MTA3: variants seen among roughly 807,000 people sequenced by gnomAD.
MTA3 encodes metastasis-associated protein MTA3.
A neutral mutation model predicts 83.5 loss-of-function variants in MTA3; 34 were observed. That is an observed-to-expected ratio of 0.41 (90% CI 0.31 to 0.54). The LOEUF is 0.54. Among genes scored for constraint, MTA3 ranks in the 20% least tolerant of loss-of-function variants. The pLI is 0.33. For missense variants in MTA3, 761 were observed against 726.4 expected (o/e 1.05, Z -0.55); for synonymous variants, 303 against 252.7 (o/e 1.20, Z -1.89).
intron 2 of MTA3, among the ~76,000 whole-genome samples, chr2:42,562,633 TCTC>T (rs1265610756): frequency 6.6e-6 from 1 of 152,090 alleles, no homozygotes; most frequent in Non-Finnish European, 1.5e-5. Flanking sequence ...TGGACTCTGA[TCTC>T]CTGAACCTGA....
intron 8 of MTA3, among the ~76,000 whole-genome samples, chr2:42,669,720 T>C (rs1690625552): frequency 1.3e-5 from 2 of 152,176 alleles, no homozygotes; most frequent in African/African-American, 4.8e-5. Context: ...TGTTTGTGTG[T>C]TTTATGGTCT....
At chr2:42,552,561 G>A (rs62144833) in intron 2 of MTA3, among the ~76,000 whole-genome samples, 14,559 of 150,126 alleles carry the variant, frequency 0.097, 865 homozygotes, top group Non-Finnish European at 0.13. Flanking sequence ...GTTTGAGGCT[G>A]CAATAAACGC....
intron 16 of MTA3, among the ~76,000 whole-genome samples, chr2:42,746,676 T>G (rs952023860): frequency 6.6e-6 from 1 of 152,102 alleles, no homozygotes; most frequent in Non-Finnish European, 1.5e-5. Flanking sequence ...TATGCTAGAG[T>G]AGATCCTAGA....
At chr2:42,571,132 C>G (rs1188975909) in intron 2 of MTA3, among the ~76,000 whole-genome samples, 1 of 151,972 alleles carries the variant, frequency 6.6e-6, no homozygotes, top group Non-Finnish European at 1.5e-5. Context: ...GCGGCTCACC[C>G]CTGTAATCCC....
At chr2:42,571,343 C>T (rs545291020) in intron 2 of MTA3, among the ~76,000 whole-genome samples, 67 of 137,658 alleles carry the variant, frequency 4.9e-4, no homozygotes, top group Non-Finnish European at 7.8e-4. Flanking sequence ...GCTGAGATCA[C>T]GCCATTGCAC....
chr2:42,497,572 G>A (rs1429228899), intron 2 of MTA3, among the ~76,000 whole-genome samples: 9 of 150,014 alleles, frequency 6.0e-5, no homozygotes, highest in Non-Finnish European at 8.9e-5. Context: ...GTGATGGAGC[G>A]AGACTCCATC....
chr2:42,722,156 T>C (rs973438564), intron 15 of MTA3, among the ~76,000 whole-genome samples: 3 of 152,196 alleles, frequency 2.0e-5, no homozygotes, highest in Non-Finnish European at 2.9e-5. Flanking sequence ...CCAGCTTTAG[T>C]AGTAAACTGA....
chr2:42,617,776 C>A (rs887469089), intron 4 of MTA3, among the ~76,000 whole-genome samples: 4 of 129,038 alleles, frequency 3.1e-5, no homozygotes, highest in African/African-American at 5.7e-5. Flanking sequence ...AACTCTGCCT[C>A]TAAAAAATAA....
intron 6 of MTA3, among the ~76,000 whole-genome samples, chr2:42,648,673 C>G (rs1007940588): frequency 6.6e-6 from 1 of 152,078 alleles, no homozygotes; most frequent in Non-Finnish European, 1.5e-5. Flanking sequence ...GTAAAGGCGT[C>G]TTTTAGATTT....
At chr2:42,664,740 G>A (rs1690070545) in intron 8 of MTA3, among the ~76,000 whole-genome samples, 1 of 152,038 alleles carries the variant, frequency 6.6e-6, no homozygotes, top group Non-Finnish European at 1.5e-5. Context: ...TGCAGAGAGG[G>A]CAGGGTTGTG....
intron 2 of MTA3, chr2:42,532,856 C>G (rs987602384): frequency 8.0e-6 from 3 of 374,776 alleles, no homozygotes; most frequent in Non-Finnish European, 1.6e-5. Context: ...CTGGCTGGCA[C>G]TTCAGTTGAA....
At chr2:42,653,415 TG>T (rs1317314551) in intron 6 of MTA3, among the ~76,000 whole-genome samples, 1 of 152,200 alleles carries the variant, frequency 6.6e-6, no homozygotes, top group East Asian at 1.9e-4. Context: ...CTAGCGTAGC[TG>T]AAAAAAACTT....
At chr2:42,694,396 G>T (rs1399546085) in intron 9 of MTA3, among the ~76,000 whole-genome samples, 1 of 152,172 alleles carries the variant, frequency 6.6e-6, no homozygotes. Flanking sequence ...GAGCACTTCA[G>T]CCCATGGTCA....
At chr2:42,695,520 C>T (rs970692077) in intron 9 of MTA3, among the ~76,000 whole-genome samples, 1 of 150,432 alleles carries the variant, frequency 6.6e-6, no homozygotes, top group African/African-American at 2.5e-5. Context: ...CTTCTAATCC[C>T]AGCTGCTTGG....
At chr2:42,508,884 C>T (rs1199969855) in intron 2 of MTA3, among the ~76,000 whole-genome samples, 8 of 145,744 alleles carry the variant, frequency 5.5e-5, no homozygotes, top group African/African-American at 2.0e-4. Flanking sequence ...ATTATATATA[C>T]AACATATATA....
chr2:42,735,437 A>G lies in MTA3; in HGVS notation c.1759+12402A>G, dbSNP rs1668541928. Among the ~76,000 whole-genome samples the G allele has an allele frequency of 3.9e-5, 6 of 152,140 alleles. No individual in the cohort carries two copies. The South Asian group carries it at 1.2e-3, about 32-fold the overall frequency. On this transcript the variant is annotated intron_variant, in intron 16 of 16. Transcript: ENST00000405094. ...GGGAGTTTGATTATTAAATGTCTTGAGGTAATCTTCTTTGGGTTAAATGTG... is the reference window on the plus strand; with the variant it reads ...GGGAGTTTGATTATTAAATGTCTTGGGGTAATCTTCTTTGGGTTAAATGTG...
At chr2:42,607,589 T>C (rs1252604317) in intron 3 of MTA3, among the ~76,000 whole-genome samples, 1 of 152,132 alleles carries the variant, frequency 6.6e-6, no homozygotes, top group Non-Finnish European at 1.5e-5. Context: ...AGCGATCTGC[T>C]TGCCTCAGCC....
chr2:42,691,821 A>G (rs1692926663), intron 9 of MTA3, among the ~76,000 whole-genome samples: 1 of 152,214 alleles, frequency 6.6e-6, no homozygotes, highest in African/African-American at 2.4e-5. Context: ...TTCCTTCAGC[A>G]CTTTAAATAT....
At chr2:42,661,174 A>C (rs761010497) in intron 8 of MTA3, among the ~76,000 whole-genome samples, 1 of 152,206 alleles carries the variant, frequency 6.6e-6, no homozygotes, top group Non-Finnish European at 1.5e-5. Flanking sequence ...TCAGTTGTTT[A>C]GAGCTTCGAG....
Sources: allele counts gnomAD v4.1 joint callset (sites outside exome capture counted in the v4.1 genomes callset), GRCh38; gene constraint gnomAD v4.1.1; transcripts MANE v1.5; gene names NCBI Gene and HGNC (gene_info 2026-07-23, HGNC 2026-07-21).